The following PCM1 variants were observed in gnomAD, a reference collection of about 807,000 sequenced individuals.
PCM1 encodes pericentriolar material 1 protein.
Under a neutral mutation model 241.9 loss-of-function variants are expected in PCM1, and 157 were observed. The ratio of observed to expected loss-of-function variants is 0.65; its 90% CI spans 0.57 to 0.74. PCM1 has a LOEUF of 0.74. Ranked by LOEUF, PCM1 falls within the 30% of genes least tolerant of loss-of-function variation. The pLI is 0.00. For synonymous variants in PCM1, 1,085 were observed against 784.9 expected (o/e 1.38, Z -6.39); for missense variants, 3,478 against 2,360.1 (o/e 1.47, Z -9.81).
intron 29 of PCM1, among the ~76,000 whole-genome samples, chr8:18,003,306 G>T (rs1360529430): frequency 1.3e-5 from 2 of 152,208 alleles, no homozygotes; most frequent in African/African-American, 4.8e-5. Flanking sequence ...CGCTCTAAGT[G>T]TGAAAACAAC....
chr8:17,924,430 A>G (rs914496677), intron 1 of PCM1, among the ~76,000 whole-genome samples: 1 of 152,242 alleles, frequency 6.6e-6, no homozygotes, highest in Admixed American at 6.5e-5. Context: ...AGACTATTAA[A>G]GGATAGTTAG....
chr8:17,980,033 G>A (rs756540756), intron 23 of PCM1, among the ~76,000 whole-genome samples: 9 of 151,220 alleles, frequency 6.0e-5, no homozygotes, highest in Non-Finnish European at 1.3e-4. Context: ...AAGAGGGTAG[G>A]TATAGCCACC....
intron 28 of PCM1, among the ~76,000 whole-genome samples, chr8:17,992,136 G>A (rs191273395): frequency 5.9e-5 from 9 of 151,948 alleles, no homozygotes; most frequent in Non-Finnish European, 7.4e-5. Context: ...TTCTTTATCC[G>A]CTCGTTGATT....
Position 18,027,460 on chromosome 8 carries a change from A to G in PCM1, c.6050-177A>G, listed in dbSNP as rs2094317954. On this transcript the variant is annotated intron_variant, in intron 38 of 38. Coordinates refer to ENST00000325083, the MANE Select transcript of PCM1 (RefSeq NM_006197.4). ...CTCAGTCTGCCTTGTTGAATCAGAA[A>G]CGCCTCACCTATTCTTTTTTTACTG... Among the ~76,000 whole-genome samples the G allele has an allele frequency of 2.6e-5, 4 of 152,142 alleles. No individual in the cohort carries two copies. In the South Asian group the frequency reaches 8.3e-4, roughly 31 times the overall value.
intron 36 of PCM1, among the ~76,000 whole-genome samples, chr8:18,020,358 A>G (rs1258531920): frequency 6.6e-6 from 1 of 152,210 alleles, no homozygotes; most frequent in Non-Finnish European, 1.5e-5. Context: ...GTTACCTACA[A>G]GTTACACGTG....
intron 4 of PCM1, among the ~76,000 whole-genome samples, chr8:17,938,187 C>CT (rs34246351): frequency 6.6e-6 from 1 of 152,140 alleles, no homozygotes; most frequent in African/African-American, 2.4e-5. Flanking sequence ...AAATCCAAAA[C>CT]TTTTTAAGTG....
chr8:18,027,139 TGAG>T (rs945259315), intron 38 of PCM1, among the ~76,000 whole-genome samples: 3 of 152,190 alleles, frequency 2.0e-5, no homozygotes, highest in Non-Finnish European at 2.9e-5. Context: ...GAAATGGAGT[TGAG>T]GAGAAGGAAA....
At chr8:17,926,314 A>G (rs1363326175) in intron 2 of PCM1, 1 of 152,184 alleles carries the variant, frequency 6.6e-6, no homozygotes, top group East Asian at 1.9e-4. Flanking sequence ...GACTTGGAGA[A>G]ACTAGTAAGG....
chr8:18,025,506 A>G, intron 37 of PCM1, 38 bp from the exon 38 acceptor site: 1 of 1,529,814 alleles, frequency 6.5e-7, no homozygotes, highest in Non-Finnish European at 9.0e-7. Flanking sequence ...TACTGTTAAA[A>G]TGAAAAATGA....
chr8:17,923,210 C>G (rs547149990), intron 1 of PCM1, 22 bp downstream of exon 1: 1 of 152,546 alleles, frequency 6.6e-6, no homozygotes, highest in East Asian at 1.9e-4. Context: ...GCGTCCCCAG[C>G]CCTTGGCAAC....
intron 20 of PCM1, 118 bp from the exon 21 acceptor site, chr8:17,966,862 A>G (rs1431441418): frequency 2.3e-6 from 2 of 871,386 alleles, no homozygotes; most frequent in African/African-American, 1.7e-5. Flanking sequence ...TTGTTACAGT[A>G]TCAGAGCAGT....
At chr8:18,013,938 G>C (rs759834276) in intron 34 of PCM1, 26 bp from the exon 35 acceptor site, 4 of 1,445,106 alleles carry the variant, frequency 2.8e-6, no homozygotes, top group East Asian at 2.3e-5. Flanking sequence ...TTCAGGCCCT[G>C]CTATTAAAAC....
At chr8:17,933,223 T>G (rs2059533437) in intron 2 of PCM1, among the ~76,000 whole-genome samples, 2 of 152,140 alleles carry the variant, frequency 1.3e-5, no homozygotes. Context: ...CTGTTACTAG[T>G]TTTTCTTACT....
chr8:17,962,674 G>T (rs964710274), intron 16 of PCM1, among the ~76,000 whole-genome samples: 53 of 152,234 alleles, frequency 3.5e-4, no homozygotes, highest in African/African-American at 1.2e-3. Flanking sequence ...GCTGAGGTGG[G>T]CAGATCATGA....
At chr8:17,932,026 T>G (rs1020046342) in intron 2 of PCM1, among the ~76,000 whole-genome samples, 2 of 152,164 alleles carry the variant, frequency 1.3e-5, no homozygotes, top group African/African-American at 4.8e-5. Flanking sequence ...TTAAAAAAAT[T>G]TATGTATAAT....
At chr8:18,018,560 C>T (rs975343313) in intron 36 of PCM1, among the ~76,000 whole-genome samples, 25 of 152,058 alleles carry the variant, frequency 1.6e-4, no homozygotes, top group Non-Finnish European at 2.5e-4. Flanking sequence ...CACCTTTAAT[C>T]CCAGCACTTT....
chr8:17,955,792 C>T (rs986892478), intron 10 of PCM1, 139 bp downstream of exon 10: 12 of 696,956 alleles, frequency 1.7e-5, no homozygotes, highest in African/African-American at 9.0e-5. Context: ...GTAGAAGAGG[C>T]GTGTGTGTGT....
intron 6 of PCM1, among the ~76,000 whole-genome samples, chr8:17,944,275 C>T (rs563412651): frequency 5.9e-5 from 9 of 152,188 alleles, no homozygotes; most frequent in South Asian, 2.1e-4. Flanking sequence ...GATAGTATGA[C>T]GTAAAGAAGA....
At chr8:18,013,694 T>C in intron 34 of PCM1, 1 of 307,592 alleles carries the variant, frequency 3.3e-6, no homozygotes, top group Non-Finnish European at 5.9e-6. Flanking sequence ...TAAGTGTCTT[T>C]TAGAGTCTGA....
Sources: gnomAD v4.1 joint callset for allele counts (sites outside exome capture counted in the v4.1 genomes callset) on GRCh38, gnomAD v4.1.1 for gene constraint, MANE v1.5 for transcripts, NCBI Gene and HGNC (gene_info 2026-07-23, HGNC 2026-07-21) for gene names.